ABCG8: variants seen among roughly 807,000 people sequenced by gnomAD.
ABCG8 encodes the protein ATP-binding cassette sub-family G member 8.
Under a neutral mutation model 71.3 loss-of-function variants are expected in ABCG8, and 81 were observed. That is an observed-to-expected ratio of 1.14 (90% CI 0.95 to 1.37). The LOEUF (loss-of-function observed/expected upper bound fraction) is 1.37, where lower values mean the gene tolerates loss of function less well. Among genes scored for constraint, ABCG8 ranks in the 40% most tolerant of loss-of-function variants. ABCG8 has a pLI of 0.00. For synonymous variants in ABCG8, 451 were observed against 354.7 expected, an observed-to-expected ratio of 1.27 and a Z score of -3.05; for missense variants, 1,119 against 866.2, an observed-to-expected ratio of 1.29 and a Z score of -3.66.
chr2:43,844,559 C>G lies in ABCG8; in HGVS notation c.116C>G (p.Thr39Ser), dbSNP rs749860873. The G allele has an allele frequency of 6.2e-7, 1 of 1,614,174 alleles. No individual in the cohort carries two copies. The highest frequency in any genetic ancestry group is 8.5e-7 in the Non-Finnish European group (1 of 1,180,030). ...SSESDNSLYF[T>S]YSGQPNTLEV... ...GAAAGTGACAACAGCCTGTACTTCA[C>G]CTACAGTGGCCAGCCCAACACCCTG... The change falls in exon 2 of 13, where the codon ACC becomes AGC. Residue 39 changes from threonine (T) to serine (S), a missense_variant. Physicochemically the swap from Thr to Ser is moderately conservative, Grantham distance 58. Coordinates refer to ENST00000272286, the MANE Select transcript of ABCG8 (RefSeq NM_022437.3).
rs1399378190 is a variant in ABCG8, at chr2:43,878,990, C to T, written c.*1077C>T. 2.0e-5 allele frequency: 3 copies of T among 152,252 alleles called. No homozygotes were observed. The highest frequency in any genetic ancestry group is 4.8e-5 in the African/African-American group (2 of 41,452). 9.4% of individuals were successfully genotyped at this position (152,252 alleles called of 1,614,324 possible). ...CCGCTACCCTGTGAAGAGGAGCCTT[C>T]CACCACGACTGCAAGTTTCCTGAGG... On this transcript the variant is annotated 3_prime_UTR_variant, in exon 13 of 13. Coordinates refer to ENST00000272286, the MANE Select transcript of ABCG8 (RefSeq NM_022437.3).
intron 3 of ABCG8, chr2:43,846,537 C>T: frequency 1.7e-6 from 1 of 582,156 alleles, no homozygotes; most frequent in Non-Finnish European, 3.0e-6. Context: ...GAGTGCGCCT[C>T]TTGTCCACCC....
intron 6 of ABCG8, among the ~76,000 whole-genome samples, chr2:43,864,709 C>G (rs185747777): frequency 1.8e-4 from 27 of 147,260 alleles, no homozygotes; most frequent in Middle Eastern, 8.2e-3. Context: ...GATAGAATTC[C>G]CACCCTCTAG....
In ABCG8 at chr2:43,872,260, C is replaced by G. The variant is rs371617725; in HGVS notation, c.1165C>G (p.Pro389Ala). The G allele has an allele frequency of 9.9e-6, 16 of 1,613,858 alleles. No individual in the cohort carries two copies. The highest frequency in any genetic ancestry group is 2.7e-5 in the African/African-American group (2 of 74,900). Residue 389 changes from proline (P) to alanine (A), a missense_variant, in exon 8 of 13, where the codon CCT becomes GCT. Physicochemically the swap from Pro to Ala is conservative, Grantham distance 27. Coordinates refer to ENST00000272286, the MANE Select transcript of ABCG8 (RefSeq NM_022437.3). Reference sequence around the variant, plus strand: ...ACTAGACACCAACTGCCTCCCGAGTCCTACGAAGATGCCTGGGGCGGTGCA... The same window carrying G: ...ACTAGACACCAACTGCCTCCCGAGTGCTACGAAGATGCCTGGGGCGGTGCA... ...TPLDTNCLPS[P>A]TKMPGAVQQF...
At chr2:43,852,327 G>A in intron 4 of ABCG8, 27 bp from the exon 5 acceptor site, 2 of 1,611,942 alleles carry the variant, frequency 1.2e-6, no homozygotes, top group South Asian at 1.1e-5. Context: ...CCCCTGAGGT[G>A]GCCTCAAAGC....
Position 43,878,227 on chromosome 2 carries a change from G to C in ABCG8, c.*314G>C. ...ATATAGGCAACTCGATATAGGATGG[G>C]AGCAAACTAGGAATGAATTGGGTAG... is the stretch of plus-strand genomic sequence containing the variant. On this transcript the variant is annotated 3_prime_UTR_variant, in exon 13 of 13. Coordinates refer to ENST00000272286, the MANE Select transcript of ABCG8 (RefSeq NM_022437.3). 5.1e-6 allele frequency: 2 copies of C among 395,474 alleles called. No homozygotes were observed. The highest frequency in any genetic ancestry group is 2.1e-5 in the South Asian group (1 of 47,486). 24.5% of individuals were successfully genotyped at this position (395,474 alleles called of 1,614,324 possible).
intron 3 of ABCG8, among the ~76,000 whole-genome samples, chr2:43,848,892 C>T (rs1450609523): frequency 6.6e-6 from 1 of 151,738 alleles, no homozygotes; most frequent in Non-Finnish European, 1.5e-5. Context: ...CGTGGTGGCA[C>T]GTGCCTGTAA....
chr2:43,841,608 A>G (rs927705605), intron 1 of ABCG8, among the ~76,000 whole-genome samples: 1 of 152,278 alleles, frequency 6.6e-6, no homozygotes, highest in Middle Eastern at 3.4e-3. Context: ...CAATCCCTCA[A>G]TGGTGGTTGG....
intron 1 of ABCG8, among the ~76,000 whole-genome samples, chr2:43,842,348 A>C (rs1317261834): frequency 6.6e-6 from 1 of 152,184 alleles, no homozygotes; most frequent in Non-Finnish European, 1.5e-5. Context: ...TTCAACAACA[A>C]CAACAAAAAT....
intron 6 of ABCG8, among the ~76,000 whole-genome samples, chr2:43,863,548 G>A (rs2104934449): frequency 6.6e-6 from 1 of 151,474 alleles, no homozygotes; most frequent in South Asian, 2.1e-4. Context: ...CTCACCCTCT[G>A]GATAGAACTC....
intron 11 of ABCG8, among the ~76,000 whole-genome samples, chr2:43,875,848 A>G (rs1018688587): frequency 6.6e-6 from 1 of 151,872 alleles, no homozygotes; most frequent in South Asian, 2.1e-4. Context: ...GTGCAAACCC[A>G]TGCCCCCCTT....
chr2:43,844,469 C>T lies in ABCG8; in HGVS notation c.64-38C>T, dbSNP rs199621076. On this transcript the variant is annotated intron_variant, in intron 1 of 12. Transcript: ENST00000272286. Reference sequence around the variant, plus strand: ...TTGTCTTCTCCTATGTTCTCAGCAGCTTCTAAAGGAGCCCCTCATCTCTCC... The same window carrying T: ...TTGTCTTCTCCTATGTTCTCAGCAGTTTCTAAAGGAGCCCCTCATCTCTCC... 694 of 1,533,020 alleles carry T rather than the reference C, an allele frequency of 4.5e-4. 6 individuals are homozygous for T. Among genetic ancestry groups the T allele is most frequent in the South Asian group, 3.8e-3 (338 of 89,030 alleles). 95.0% of individuals were successfully genotyped at this position (1,533,020 alleles called of 1,614,324 possible). A position where few individuals can be genotyped will look rare whatever the true frequency, so the allele number is the denominator to read the frequency against.
At chr2:43,863,086 TATGG>T (rs145853623) in intron 6 of ABCG8, among the ~76,000 whole-genome samples, 2,242 of 151,484 alleles carry the variant, frequency 0.015, 27 homozygotes, top group Non-Finnish European at 0.023. Flanking sequence ...GTTCTCACCA[TATGG>T]ATAGAACTCT....
At position 43,844,213 on chromosome 2, in the gene ABCG8, T is replaced by A. The variant is rs17031713; in HGVS notation, c.64-294T>A. On this transcript the variant is annotated intron_variant, in intron 1 of 12. Coordinates refer to ENST00000272286, the MANE Select transcript of ABCG8 (RefSeq NM_022437.3). The stretch of plus-strand genomic sequence containing the variant: ...CTCCGGTCCAGAGTCTGGGTCTCTT[T>A]ACCAGAAGCTGCTTGGCTTCAGGCT... Among the ~76,000 whole-genome samples the A allele has an allele frequency of 0.05, 7,662 of 152,164 alleles. 659 individuals are homozygous for A. The highest frequency in any genetic ancestry group is 0.17 in the African/African-American group (7,200 of 41,480).
intron 1 of ABCG8, among the ~76,000 whole-genome samples, chr2:43,841,101 T>G (rs914632431): frequency 7.9e-5 from 12 of 152,196 alleles, no homozygotes; most frequent in African/African-American, 2.7e-4. Flanking sequence ...GCTGAATGTT[T>G]CGATAAAATT....
At chr2:43,874,578 A>AT in intron 10 of ABCG8, 95 bp downstream of exon 10, 1 of 1,018,974 alleles carries the variant, frequency 9.8e-7, no homozygotes, top group South Asian at 1.3e-5. Flanking sequence ...TTTCTGAACC[A>AT]TGGGGCCGTG....
In ABCG8 at chr2:43,875,194, A is replaced by T; in HGVS notation, c.1537A>T (p.Met513Leu). ...CTGTGCCTACATCATCATCTACGGGATGCCCACCTACTGGCTGGCCAACCT... is the reference window on the plus strand; with the variant it reads ...CTGTGCCTACATCATCATCTACGGGTTGCCCACCTACTGGCTGGCCAACCT... ...EHCAYIIIYGMPTYWLANLRP... is the reference protein window; with the variant it reads ...EHCAYIIIYGLPTYWLANLRP... The change falls in exon 11 of 13, where the codon ATG becomes TTG. Residue 513 changes from methionine (M) to leucine (L), a missense_variant. Coordinates refer to ENST00000272286, the MANE Select transcript of ABCG8 (RefSeq NM_022437.3). 6.2e-7 allele frequency: 1 copy of T among 1,614,216 alleles called. No individual in the cohort carries two copies. The highest frequency in any genetic ancestry group is 8.5e-7 in the Non-Finnish European group (1 of 1,180,042).
intron 9 of ABCG8, 45 bp downstream of exon 9, chr2:43,874,031 T>C: frequency 6.2e-7 from 1 of 1,600,184 alleles, no homozygotes; most frequent in Non-Finnish European, 8.5e-7. Flanking sequence ...CTCAGCCACC[T>C]CCAAGCTGTG....
At chr2:43,870,154 T>G (rs1402956682) in intron 6 of ABCG8, among the ~76,000 whole-genome samples, 2 of 152,076 alleles carry the variant, frequency 1.3e-5, no homozygotes, top group East Asian at 1.9e-4. Flanking sequence ...TCTCACTACC[T>G]GTCTCGATAG....
Sources: gnomAD v4.1 joint callset for allele counts (sites outside exome capture counted in the v4.1 genomes callset) on GRCh38, gnomAD v4.1.1 for gene constraint, MANE v1.5 for transcripts, NCBI Gene and HGNC (gene_info 2026-07-23, HGNC 2026-07-21) for gene names.